RTF1: variants seen among roughly 807,000 people sequenced by gnomAD.
RTF1 encodes the protein RTF1 homolog, Paf1/RNA polymerase II complex component.
RTF1 carries 10 observed loss-of-function variants against 95.7 expected under a neutral mutation model. The ratio of observed to expected loss-of-function variants is 0.10; its 90% CI spans 0.06 to 0.18. RTF1 has a LOEUF of 0.18. Ranked by LOEUF, RTF1 falls within the 10% of genes least tolerant of loss-of-function variation. The pLI is 1.00. For missense variants in RTF1, 458 were observed against 875.6 expected (o/e 0.52, Z 6.02); for synonymous variants, 305 against 311.8 (o/e 0.98, Z 0.23).
Position 41,457,331 on chromosome 15 carries a change from C to T in RTF1, c.458-341C>T, listed in dbSNP as rs529261579. On this transcript the variant is annotated intron_variant, in intron 3 of 17. Coordinates refer to ENST00000389629, the MANE Select transcript of RTF1 (RefSeq NM_015138.5). ...GGCAGATCACCTGAGGTCAGGAGTTCGAGACCAGCCTGAACAATATGGTGA... is the reference window on the plus strand; with the variant it reads ...GGCAGATCACCTGAGGTCAGGAGTTTGAGACCAGCCTGAACAATATGGTGA... 2.7e-4 allele frequency among the ~76,000 whole-genome samples: 41 copies of T among 152,212 alleles called. No homozygotes were observed. In the East Asian group the frequency reaches 4.5e-3, roughly 17 times the overall value.
At chr15:41,468,336 G>A (rs952253446) in intron 6 of RTF1, among the ~76,000 whole-genome samples, 2 of 146,066 alleles carry the variant, frequency 1.4e-5, no homozygotes, top group Non-Finnish European at 1.5e-5. Flanking sequence ...TTTTTTTTTT[G>A]AGACGGAGTC....
rs544468576 is a variant in RTF1, at chr15:41,438,209, T to C, written c.199-112T>C. ...TAGAAGTCCCTGTGACAATGTCCTT[T>C]AGTTGAAAACACAAAAATATAAAAA... On this transcript the variant is annotated intron_variant, in intron 1 of 17. Coordinates refer to ENST00000389629, the MANE Select transcript of RTF1 (RefSeq NM_015138.5). The C allele has an allele frequency of 2.2e-4, 135 of 612,090 alleles. No homozygotes were observed. The African/African-American group carries it at 2.4e-3, about 11-fold the overall frequency. 37.9% of individuals were successfully genotyped at this position (612,090 alleles called of 1,614,324 possible). A position where few individuals can be genotyped will look rare whatever the true frequency, so the allele number is the denominator to read the frequency against.
At chr15:41,459,907 A>T (rs997340349) in intron 4 of RTF1, among the ~76,000 whole-genome samples, 1 of 152,146 alleles carries the variant, frequency 6.6e-6, no homozygotes, top group African/African-American at 2.4e-5. Context: ...TTGTCTTGGA[A>T]ATAAAATAGC....
rs118006127 is a variant in RTF1, at chr15:41,420,431, T to A, written c.198+3118T>A. ...GCACAAGTTCACTGTCAGTGCTGCT[T>A]GGGGGTCTTTAGGAATCCTAATGCA... On this transcript the variant is annotated intron_variant, in intron 1 of 17. Coordinates refer to ENST00000389629, the MANE Select transcript of RTF1 (RefSeq NM_015138.5). Among the ~76,000 whole-genome samples the A allele has an allele frequency of 2.4e-4, 37 of 152,242 alleles. No individual in the cohort carries two copies. In the East Asian group the frequency reaches 4.4e-3, roughly 18 times the overall value.
intron 2 of RTF1, among the ~76,000 whole-genome samples, chr15:41,445,957 C>T (rs919620339): frequency 2.6e-5 from 4 of 152,020 alleles, no homozygotes; most frequent in East Asian, 3.9e-4. Context: ...AGGCTGGTCT[C>T]GAACTCCTGG....
At chr15:41,469,492 G>A (rs2050898543) in intron 6 of RTF1, among the ~76,000 whole-genome samples, 1 of 150,808 alleles carries the variant, frequency 6.6e-6, no homozygotes, top group Non-Finnish European at 1.5e-5. Flanking sequence ...AAAGTGCTGG[G>A]ATTACAGGCA....
intron 2 of RTF1, among the ~76,000 whole-genome samples, chr15:41,446,610 C>A (rs935290267): frequency 6.6e-6 from 1 of 152,010 alleles, no homozygotes; most frequent in Non-Finnish European, 1.5e-5. Flanking sequence ...TGTAGAACTT[C>A]CTGGTTTCTA....
chr15:41,443,570 G>A (rs944660295), intron 2 of RTF1, among the ~76,000 whole-genome samples: 2 of 150,848 alleles, frequency 1.3e-5, no homozygotes, highest in African/African-American at 4.9e-5. Flanking sequence ...AAAAGGAGGG[G>A]AGCTAGCAGC....
At chr15:41,430,235 G>C (rs1281445957) in intron 1 of RTF1, among the ~76,000 whole-genome samples, 1 of 146,138 alleles carries the variant, frequency 6.8e-6, no homozygotes, top group Non-Finnish European at 1.5e-5. Context: ...GGAGTGCAGT[G>C]GCGCGATCTC....
intron 1 of RTF1, among the ~76,000 whole-genome samples, chr15:41,419,041 C>T (rs1038225778): frequency 6.6e-6 from 1 of 151,972 alleles, no homozygotes; most frequent in Non-Finnish European, 1.5e-5. Flanking sequence ...GTAATGGGGC[C>T]TGTGTAAGAC....
intron 2 of RTF1, among the ~76,000 whole-genome samples, chr15:41,445,588 T>A (rs1018666102): frequency 6.6e-6 from 1 of 152,194 alleles, no homozygotes; most frequent in African/African-American, 2.4e-5. Flanking sequence ...TCTTTTGTAC[T>A]TTATCTGATT....
chr15:41,455,399 A>G (rs539523630), intron 3 of RTF1, among the ~76,000 whole-genome samples: 10 of 152,256 alleles, frequency 6.6e-5, no homozygotes, highest in African/African-American at 2.4e-4. Context: ...CAGCAACTTC[A>G]GTGGAGCTGG....
intron 2 of RTF1, among the ~76,000 whole-genome samples, chr15:41,448,481 A>G (rs957536822): frequency 2.6e-5 from 4 of 152,140 alleles, no homozygotes; most frequent in African/African-American, 7.2e-5. Context: ...AGCCTGAACA[A>G]TATGGTGAGA....
intron 1 of RTF1, among the ~76,000 whole-genome samples, chr15:41,433,843 C>CTTT (rs11326489): frequency 2.4e-5 from 3 of 126,076 alleles, no homozygotes; most frequent in East Asian, 2.2e-4. Flanking sequence ...TGCTACCACA[C>CTTT]TTTTTTTTTT....
chr15:41,471,253 A>G lies in RTF1; in HGVS notation c.1107A>G (p.Leu369=). The G allele has an allele frequency of 6.2e-7, 1 of 1,614,136 alleles. No homozygotes were observed. The highest frequency in any genetic ancestry group is 8.5e-7 in the Non-Finnish European group (1 of 1,180,022). The change falls in exon 8 of 18, where the codon CTA becomes CTG. Residue 369 remains leucine (L), a synonymous_variant. Coordinates refer to ENST00000389629, the MANE Select transcript of RTF1 (RefSeq NM_015138.5). The part of the protein sequence containing the change: ...LNRVRLSRHK[L]ERWCHMPFFA... ...GGGTTCGATTATCACGGCATAAGCT[A>G]GAACGCTGGTGTCACATGCCCTTCT...
intron 2 of RTF1, among the ~76,000 whole-genome samples, chr15:41,450,524 G>T (rs982261256): frequency 4.6e-5 from 7 of 151,608 alleles, no homozygotes; most frequent in Admixed American, 1.3e-4. Context: ...GGCGGAGCTT[G>T]CAGTGAGCCA....
Position 41,482,092 on chromosome 15 carries a change from G to A in RTF1, c.*1405G>A, listed in dbSNP as rs1024776739. On this transcript the variant is annotated 3_prime_UTR_variant, in exon 18 of 18. Transcript: ENST00000389629. ...GAGACTCCGCCTCAAAAAGATTTAG[G>A]TTGCAAATGTTTCAAGCATGTGCAG... The A allele has an allele frequency of 6.6e-6, 1 of 152,204 alleles. No homozygotes were observed. Among genetic ancestry groups the A allele is most frequent in the African/African-American group, 2.4e-5 (1 of 41,430 alleles). 9.4% of individuals were successfully genotyped at this position (152,204 alleles called of 1,614,324 possible).
chr15:41,456,914 TC>T (rs2050821083), intron 3 of RTF1, among the ~76,000 whole-genome samples: 1 of 151,786 alleles, frequency 6.6e-6, no homozygotes. Flanking sequence ...TGAAACCCCA[TC>T]TCTACTAAAA....
intron 3 of RTF1, among the ~76,000 whole-genome samples, chr15:41,455,567 G>T (rs539882940): frequency 6.6e-6 from 1 of 152,082 alleles, no homozygotes; most frequent in East Asian, 1.9e-4. Flanking sequence ...CACTGTGGGA[G>T]GCCAAGGCAG....
Sources: gnomAD v4.1 joint callset for allele counts (sites outside exome capture counted in the v4.1 genomes callset) on GRCh38, gnomAD v4.1.1 for gene constraint, MANE v1.5 for transcripts, NCBI Gene and HGNC (gene_info 2026-07-23, HGNC 2026-07-21) for gene names.